DNAH5: variants seen among roughly 807,000 people sequenced by gnomAD.
The protein encoded by DNAH5 is dynein axonemal heavy chain 5.
In DNAH5, 372 loss-of-function variants were observed where a neutral mutation model predicts 518.2. The ratio of observed to expected loss-of-function variants is 0.72; its 90% CI spans 0.66 to 0.78. The LOEUF (loss-of-function observed/expected upper bound fraction) is 0.78. Among genes scored for constraint, DNAH5 ranks in the 30% least tolerant of loss-of-function variants. The pLI is 0.00. For missense variants in DNAH5, 5,523 were observed against 5,687.0 expected, an observed-to-expected ratio of 0.97 and a Z score of 0.93; for synonymous variants, 2,039 against 2,025.9, an observed-to-expected ratio of 1.01 and a Z score of -0.17.
At chr5:13,823,154 AT>A in intron 40 of DNAH5, 108 bp downstream of exon 40, 1 of 815,478 alleles carries the variant, frequency 1.2e-6, no homozygotes. Context: ...CACTGTTGTT[AT>A]TTTTGCTGCT....
At chr5:13,785,787 T>C (rs1409860843) in intron 52 of DNAH5, among the ~76,000 whole-genome samples, 3 of 152,228 alleles carry the variant, frequency 2.0e-5, no homozygotes, top group Non-Finnish European at 4.4e-5. Context: ...GAGTCTGGCT[T>C]ACTCCACATA....
chr5:13,702,468 G>A (rs1233082908), intron 76 of DNAH5, among the ~76,000 whole-genome samples: 1 of 152,192 alleles, frequency 6.6e-6, no homozygotes, highest in African/African-American at 2.4e-5. Flanking sequence ...GAGGGCAGAG[G>A]GAGCCGCTAA....
At chr5:13,927,098 T>C (rs1215555756) in intron 3 of DNAH5, among the ~76,000 whole-genome samples, 1 of 152,098 alleles carries the variant, frequency 6.6e-6, no homozygotes, top group Admixed American at 6.5e-5. Context: ...TATTAAATAA[T>C]ACATTTAATC....
intron 70 of DNAH5, among the ~76,000 whole-genome samples, chr5:13,725,844 C>T (rs924703351): frequency 6.6e-6 from 1 of 152,062 alleles, no homozygotes; most frequent in Non-Finnish European, 1.5e-5. Flanking sequence ...AGCAGAAATG[C>T]GGTTTCACCA....
chr5:13,729,520 T>C lies in DNAH5; in HGVS notation c.11802A>G (p.Pro3934=). The C allele has an allele frequency of 6.2e-7, 1 of 1,613,962 alleles. No individual in the cohort carries two copies. Among genetic ancestry groups the C allele is most frequent in the East Asian group, 2.2e-5 (1 of 44,844 alleles). ...SLDLKACPPK[P]SKWILDITWL... ...ATGTTATGTCCAGGATCCATTTTGA[T>C]GGTTTTGGAGGACAAGCTTTAAGGT... The change falls in exon 69 of 79, where the codon CCA becomes CCG. Residue 3934 remains proline (P), a synonymous_variant. Coordinates refer to ENST00000265104, the MANE Select transcript of DNAH5 (RefSeq NM_001369.3).
At position 13,839,391 on chromosome 5, in the gene DNAH5, G is replaced by A; in HGVS notation, c.5847C>T (p.Cys1949=). The A allele has an allele frequency of 6.2e-7, 1 of 1,614,076 alleles. No homozygotes were observed. The stretch of plus-strand genomic sequence containing the variant: ...GTGGAGTTATTACAAGCCTGTCAGT[G>A]CAGCCTAAAAATTCATTCTGGTATA... ...AFIYQNEFLG[C]TDRLVITPLT... The change falls in exon 35 of 79, where the codon TGC becomes TGT. Residue 1949 remains cysteine (C), a synonymous_variant. Coordinates refer to ENST00000265104, the MANE Select transcript of DNAH5 (RefSeq NM_001369.3).
rs149902508 is a variant in DNAH5 at position 13,966,777 on chromosome 5, T to C, written c.13-35533A>G. Among the ~76,000 whole-genome samples the C allele has an allele frequency of 5.2e-3, 793 of 152,364 alleles. 3 individuals carry two copies. Among genetic ancestry groups the C allele is most frequent in the African/African-American group, 0.018 (757 of 41,592 alleles). On this transcript the variant is annotated intron_variant, in intron 1 of 78. Coordinates refer to the DNAH5 transcript ENST00000681290. The stretch of plus-strand genomic sequence containing the variant: ...GGATATTAGTCCTTTGTTGGATGCA[T>C]AGTTTGTGAAGATATTCTCCCACTG...
chr5:13,996,372 T>A (rs1348756912), intron 1 of DNAH5, among the ~76,000 whole-genome samples: 1 of 152,098 alleles, frequency 6.6e-6, no homozygotes, highest in Non-Finnish European at 1.5e-5. Context: ...ATCCCAATAG[T>A]CCCAAAAAAC....
Position 13,921,756 on chromosome 5 carries a change from C to CCCCA in DNAH5, c.660+350_660+351insTGGG, listed in dbSNP as rs562419104. 3.0e-3 allele frequency among the ~76,000 whole-genome samples: 430 copies of CCCCA among 145,260 alleles called. 5 individuals carry two copies. The highest frequency in any genetic ancestry group is 3.7e-3 in the Non-Finnish European group (242 of 65,624). ...CCATCTGCCGCCCACACACACCCCC[C>CCCCA]CACACACACACACACTTCAGTTCCA... On this transcript the variant is annotated intron_variant, in intron 5 of 78. Transcript: ENST00000265104.
intron 31 of DNAH5, among the ~76,000 whole-genome samples, chr5:13,845,909 C>T (rs1400331381): frequency 1.4e-5 from 2 of 148,046 alleles, no homozygotes; most frequent in African/African-American, 2.5e-5. Flanking sequence ...TGGCTCACTG[C>T]GACCTCCACT....
rs568959550 is a variant in DNAH5, at chr5:13,908,488, T to C, written c.1644+2898A>G. Reference sequence around the variant, plus strand: ...GCCTGGGCTGAACTCTCTGTCAACATGTAAGACCTAGACTTTTCTTGTTCT... The same window carrying C: ...GCCTGGGCTGAACTCTCTGTCAACACGTAAGACCTAGACTTTTCTTGTTCT... On this transcript the variant is annotated intron_variant, in intron 12 of 78. Transcript: ENST00000265104. 8.1e-4 allele frequency among the ~76,000 whole-genome samples: 124 copies of C among 152,302 alleles called. 1 individual carries two copies. The highest frequency in any genetic ancestry group is 1.5e-3 in the South Asian group (7 of 4,820).
At chr5:13,708,647 T>G (rs953372627) in intron 75 of DNAH5, among the ~76,000 whole-genome samples, 1 of 152,198 alleles carries the variant, frequency 6.6e-6, no homozygotes, top group African/African-American at 2.4e-5. Flanking sequence ...GAAACTCCCT[T>G]TCTGAGAATC....
intron 22 of DNAH5, among the ~76,000 whole-genome samples, chr5:13,875,214 T>A (rs1770713828): frequency 6.6e-6 from 1 of 152,116 alleles, no homozygotes; most frequent in Non-Finnish European, 1.5e-5. Context: ...ACGACTGTAA[T>A]CCCAGCACTT....
intron 31 of DNAH5, among the ~76,000 whole-genome samples, chr5:13,848,501 T>C (rs1766369178): frequency 6.6e-6 from 1 of 152,204 alleles, no homozygotes; most frequent in Non-Finnish European, 1.5e-5. Context: ...CTATTATTAT[T>C]GTGCACTTAT....
intron 47 of DNAH5, among the ~76,000 whole-genome samples, chr5:13,802,860 C>T (rs1758986504): frequency 6.6e-6 from 1 of 152,082 alleles, no homozygotes; most frequent in Non-Finnish European, 1.5e-5. Flanking sequence ...AGGTAAGCCA[C>T]TTAATATTTC....
chr5:13,786,478 G>T, intron 51 of DNAH5, 127 bp from the exon 52 acceptor site: 1 of 1,013,724 alleles, frequency 9.9e-7, no homozygotes, highest in Non-Finnish European at 1.5e-6. Flanking sequence ...AAATGCCATA[G>T]TGTGTATTTT....
At chr5:13,777,684 T>C (rs1196042846) in intron 53 of DNAH5, among the ~76,000 whole-genome samples, 1 of 152,216 alleles carries the variant, frequency 6.6e-6, no homozygotes, top group Non-Finnish European at 1.5e-5. Flanking sequence ...CAAATTCAAT[T>C]ATTGATATTT....
At chr5:13,809,986 T>C in intron 45 of DNAH5, 73 bp downstream of exon 45, 2 of 1,355,748 alleles carry the variant, frequency 1.5e-6, no homozygotes, top group Non-Finnish European at 2.1e-6. Flanking sequence ...AAAAAATATA[T>C]ATGGTGTAAA....
intron 71 of DNAH5, 127 bp downstream of exon 71, chr5:13,720,871 ACG>A: frequency 7.7e-7 from 1 of 1,302,074 alleles, no homozygotes; most frequent in Non-Finnish European, 1.1e-6. Flanking sequence ...TAAAAAAAAA[ACG>A]CTGTTTAGTA....
Sources: allele counts gnomAD v4.1 joint callset (sites outside exome capture counted in the v4.1 genomes callset), GRCh38; gene constraint gnomAD v4.1.1; transcripts MANE v1.5; gene names NCBI Gene and HGNC (gene_info 2026-07-23, HGNC 2026-07-21).